The following EXOC6B variants were observed in gnomAD, a reference collection of about 807,000 sequenced individuals.
EXOC6B encodes SEC15 homolog B.
A neutral mutation model predicts 113.5 loss-of-function variants in EXOC6B; 54 were observed. That is an observed-to-expected ratio of 0.48 (90% CI 0.38 to 0.60). The LOEUF (loss-of-function observed/expected upper bound fraction) is 0.60, where lower values mean the gene tolerates loss of function less well. Ranked by LOEUF, EXOC6B falls within the 20% of genes least tolerant of loss-of-function variation. The pLI, the probability that EXOC6B is intolerant of heterozygous loss-of-function variation, is 0.00. For synonymous variants in EXOC6B, 357 were observed against 339.0 expected, an observed-to-expected ratio of 1.05 and a Z score of -0.58; for missense variants, 797 against 977.5, an observed-to-expected ratio of 0.82 and a Z score of 2.46.
chr2:72,599,376 A>G (rs573448316), intron 6 of EXOC6B, among the ~76,000 whole-genome samples: 1 of 152,240 alleles, frequency 6.6e-6, no homozygotes, highest in African/African-American at 2.4e-5. Context: ...ACTCTCAGCA[A>G]ACTGCTAATA....
At chr2:72,753,967 A>G (rs1189023371) in intron 1 of EXOC6B, among the ~76,000 whole-genome samples, 1 of 152,130 alleles carries the variant, frequency 6.6e-6, no homozygotes, top group East Asian at 1.9e-4. Context: ...GTTTTGAGAC[A>G]GGGTCTCACT....
chr2:72,379,588 G>A (rs1190603587), intron 19 of EXOC6B, 141 bp downstream of exon 19: 2 of 749,454 alleles, frequency 2.7e-6, no homozygotes, highest in Non-Finnish European at 4.0e-6. Context: ...ATTTCTAGAT[G>A]TTCTATAAGT....
intron 8 of EXOC6B, among the ~76,000 whole-genome samples, chr2:72,551,792 G>A (rs1303904526): frequency 6.6e-6 from 1 of 152,090 alleles, no homozygotes; most frequent in Admixed American, 6.5e-5. Flanking sequence ...CACCGCGCCC[G>A]GCCATTAAAA....
chr2:72,697,695 T>C (rs1677993001), intron 6 of EXOC6B, among the ~76,000 whole-genome samples: 1 of 152,134 alleles, frequency 6.6e-6, no homozygotes, highest in Admixed American at 6.5e-5. Context: ...CTCACCTCTA[T>C]TTCCAAAAAT....
chr2:72,658,508 T>C (rs1200453643), intron 6 of EXOC6B, among the ~76,000 whole-genome samples: 1 of 151,886 alleles, frequency 6.6e-6, no homozygotes, highest in Non-Finnish European at 1.5e-5. Context: ...AATCAACTAA[T>C]TCCTCTATCA....
intron 6 of EXOC6B, among the ~76,000 whole-genome samples, chr2:72,672,546 CAAAAAA>C (rs60924280): frequency 2.3e-5 from 2 of 88,564 alleles, no homozygotes; most frequent in Admixed American, 1.3e-4. Flanking sequence ...GACTCTGTCT[CAAAAAA>C]AAAAAAAAAA....
At chr2:72,228,962 T>C (rs1222643930) in intron 20 of EXOC6B, among the ~76,000 whole-genome samples, 3 of 152,144 alleles carry the variant, frequency 2.0e-5, no homozygotes, top group African/African-American at 4.8e-5. Flanking sequence ...GCTATTCTAA[T>C]TGGTGTGAGA....
rs370969900 is a variant in EXOC6B, at chr2:72,771,168, C to A, written c.114-29699G>T. On this transcript the variant is annotated intron_variant, in intron 1 of 21. Coordinates refer to ENST00000272427, the MANE Select transcript of EXOC6B (RefSeq NM_015189.3). ...TGCTGAAAACATTTCATACTCATCA[C>A]AAGCACAATAAAACACTCGCCAATT... 3.3e-4 allele frequency among the ~76,000 whole-genome samples: 50 copies of A among 152,304 alleles called. 1 individual carries two copies. In the East Asian group the frequency reaches 6.9e-3, roughly 21 times the overall value.
chr2:72,528,469 G>A (rs1028468518), intron 8 of EXOC6B, among the ~76,000 whole-genome samples: 1 of 152,028 alleles, frequency 6.6e-6, no homozygotes, highest in Non-Finnish European at 1.5e-5. Flanking sequence ...AATTATATGA[G>A]TTAATTTCTC....
intron 1 of EXOC6B, among the ~76,000 whole-genome samples, chr2:72,806,620 A>G (rs2105105762): frequency 6.6e-6 from 1 of 152,360 alleles, no homozygotes; most frequent in South Asian, 2.1e-4. Context: ...TACTTTCCAC[A>G]GTGGCTGATC....
chr2:72,793,475 G>A (rs1017323575), intron 1 of EXOC6B, among the ~76,000 whole-genome samples: 1 of 152,140 alleles, frequency 6.6e-6, no homozygotes, highest in African/African-American at 2.4e-5. Context: ...GCTTAGTCTT[G>A]AGAGCAGAGA....
At chr2:72,637,045 T>C (rs538290721) in intron 6 of EXOC6B, among the ~76,000 whole-genome samples, 1 of 151,808 alleles carries the variant, frequency 6.6e-6, no homozygotes, top group South Asian at 2.1e-4. Flanking sequence ...GACACTGAAA[T>C]TAAAAATACA....
chr2:72,787,381 G>A (rs1684434226), intron 1 of EXOC6B, among the ~76,000 whole-genome samples: 1 of 151,656 alleles, frequency 6.6e-6, no homozygotes, highest in Non-Finnish European at 1.5e-5. Context: ...TATTTTTTTA[G>A]TAGAGACAGG....
At chr2:72,396,770 A>T (rs1384745217) in intron 18 of EXOC6B, among the ~76,000 whole-genome samples, 1 of 152,186 alleles carries the variant, frequency 6.6e-6, no homozygotes, top group East Asian at 1.9e-4. Flanking sequence ...GTAAACATGT[A>T]GAAGTAAAAG....
intron 20 of EXOC6B, among the ~76,000 whole-genome samples, chr2:72,217,034 CAA>C (rs11442630): frequency 1.2e-4 from 14 of 119,920 alleles, no homozygotes; most frequent in East Asian, 2.7e-4. Flanking sequence ...GACTCCATAT[CAA>C]AAAAAAAAAA....
chr2:72,354,875 T>G (rs1689882122), intron 19 of EXOC6B, among the ~76,000 whole-genome samples: 1 of 152,240 alleles, frequency 6.6e-6, no homozygotes, highest in East Asian at 1.9e-4. Flanking sequence ...TACTGCCTAT[T>G]TTTGATGACA....
intron 8 of EXOC6B, chr2:72,515,529 T>A (rs1558752786): frequency 2.0e-5 from 20 of 1,016,970 alleles, no homozygotes; most frequent in Non-Finnish European, 2.2e-5. Flanking sequence ...AAATGAATCA[T>A]GAACAAAGGG....
intron 20 of EXOC6B, among the ~76,000 whole-genome samples, chr2:72,224,169 C>T (rs1423512288): frequency 3.9e-5 from 6 of 151,918 alleles, no homozygotes; most frequent in African/African-American, 7.3e-5. Flanking sequence ...GGGAAATAGG[C>T]AACAAAGCAA....
At chr2:72,594,637 T>C (rs1325327739) in intron 6 of EXOC6B, among the ~76,000 whole-genome samples, 1 of 152,188 alleles carries the variant, frequency 6.6e-6, no homozygotes, top group Non-Finnish European at 1.5e-5. Context: ...TGCCAACTTA[T>C]TCATTACCCT....
Sources: gnomAD v4.1 joint callset for allele counts (sites outside exome capture counted in the v4.1 genomes callset) on GRCh38, gnomAD v4.1.1 for gene constraint, MANE v1.5 for transcripts, NCBI Gene and HGNC (gene_info 2026-07-23, HGNC 2026-07-21) for gene names.